USP24: variants seen among roughly 807,000 people sequenced by gnomAD.
USP24 encodes the protein ubiquitin carboxyl-terminal hydrolase 24.
Under a neutral mutation model 361.6 loss-of-function variants are expected in USP24, and 97 were observed. That is an observed-to-expected ratio of 0.27 (90% confidence interval 0.23 to 0.32). USP24 has a LOEUF of 0.32. USP24 is among the 10% of genes least tolerant of loss of function. The pLI is 1.00. For synonymous variants in USP24, 1,098 were observed against 1,124.6 expected (o/e 0.98, Z 0.47); for missense variants, 2,353 against 3,165.6 (o/e 0.74, Z 6.16).
At chr1:55,099,695 C>A in intron 45 of USP24, 76 bp downstream of exon 45, 1 of 1,052,908 alleles carries the variant, frequency 9.5e-7, no homozygotes, top group South Asian at 1.5e-5. Context: ...TCATAGTAAC[C>A]CCAAATGCTA....
Position 55,137,564 on chromosome 1 carries a change from G to A in USP24, c.3152C>T (p.Ser1051Phe). The A allele has an allele frequency of 6.2e-7, 1 of 1,613,380 alleles. No individual in the cohort carries two copies. The highest frequency in any genetic ancestry group is 8.5e-7 in the Non-Finnish European group (1 of 1,179,646). Residue 1051 changes from serine (S) to phenylalanine (F), a missense_variant, in exon 28 of 68, where the codon TCC becomes TTC. Coordinates refer to ENST00000294383, the MANE Select transcript of USP24 (RefSeq NM_015306.3). ...SGSSADSSTSSSSSSSGVFSS... is the reference protein window; with the variant it reads ...SGSSADSSTSFSSSSSGVFSS... ...AAAAACCCCACTGCTGCTGCTGCTG[G>A]AGCTGGTTGAAGAATCTGCTGAACT...
chr1:55,149,193 A>C (rs1288503488), intron 16 of USP24, among the ~76,000 whole-genome samples: 1 of 152,238 alleles, frequency 6.6e-6, no homozygotes, highest in Non-Finnish European at 1.5e-5. Flanking sequence ...GGTATATGAC[A>C]ATCCAGATCG....
intron 31 of USP24, among the ~76,000 whole-genome samples, chr1:55,130,105 A>C (rs985355427): frequency 6.6e-6 from 1 of 152,226 alleles, no homozygotes; most frequent in African/African-American, 2.4e-5. Context: ...ATTCAAATCC[A>C]GATGTGTCTC....
chr1:55,117,303 G>T (rs1176113362), intron 38 of USP24, among the ~76,000 whole-genome samples: 1 of 152,162 alleles, frequency 6.6e-6, no homozygotes, highest in Non-Finnish European at 1.5e-5. Context: ...TCTATTCAAC[G>T]TAGTATTGAA....
rs1006076268 is a variant in USP24 at position 55,067,050 on chromosome 1, G to A, written c.*1995C>T. 14 of 152,242 alleles carry A rather than the reference G, an allele frequency of 9.2e-5. No homozygotes were observed. The highest frequency in any genetic ancestry group is 3.1e-4 in the African/African-American group (13 of 41,542). The allele number at this position is 152,242 out of a possible 1,614,324, so 9.4% of individuals were successfully genotyped here. ...ATGATCTGAAGCGTATAATATACAC[G>A]GTGGACGATCCTGATGAAGCTTTAC... On this transcript the variant is annotated 3_prime_UTR_variant, in exon 68 of 68. Transcript: ENST00000294383.
intron 1 of USP24, among the ~76,000 whole-genome samples, chr1:55,194,329 T>G (rs899357371): frequency 1.3e-5 from 2 of 152,216 alleles, no homozygotes; most frequent in Non-Finnish European, 2.9e-5. Flanking sequence ...TCTTAATCTA[T>G]TTGCCTTTGT....
At chr1:55,209,652 T>G (rs927543839) in intron 1 of USP24, among the ~76,000 whole-genome samples, 1 of 152,214 alleles carries the variant, frequency 6.6e-6, no homozygotes, top group Non-Finnish European at 1.5e-5. Flanking sequence ...TAAACACAAA[T>G]GAAAGAAATG....
intron 20 of USP24, 40 bp downstream of exon 20, chr1:55,145,958 T>C (rs1377541686): frequency 7.2e-7 from 1 of 1,394,352 alleles, no homozygotes; most frequent in Non-Finnish European, 1.0e-6. Flanking sequence ...CACTTCTTAC[T>C]TAAAAGTACT....
intron 47 of USP24, 76 bp from the exon 48 acceptor site, chr1:55,097,793 G>A: frequency 1.3e-6 from 2 of 1,503,448 alleles, no homozygotes; most frequent in Admixed American, 5.2e-5. Flanking sequence ...AGTAATTAAT[G>A]CAAAGGCCTT....
chr1:55,133,210 T>A (rs1301153089), intron 30 of USP24, among the ~76,000 whole-genome samples: 1 of 152,232 alleles, frequency 6.6e-6, no homozygotes, highest in Non-Finnish European at 1.5e-5. Context: ...TCTACATCAA[T>A]TTATTCTGAG....
At chr1:55,170,070 T>C (rs986858809) in intron 5 of USP24, among the ~76,000 whole-genome samples, 1 of 151,980 alleles carries the variant, frequency 6.6e-6, no homozygotes, top group African/African-American at 2.4e-5. Context: ...GGAGGTCTGG[T>C]TGGGAAGGGG....
chr1:55,153,124 T>C (rs1307914399), intron 16 of USP24, among the ~76,000 whole-genome samples: 1 of 152,188 alleles, frequency 6.6e-6, no homozygotes, highest in Non-Finnish European at 1.5e-5. Flanking sequence ...GAGAGGACAA[T>C]GCTGCTCCAA....
chr1:55,103,621 CT>C (rs1557562767), intron 42 of USP24, among the ~76,000 whole-genome samples: 1 of 152,166 alleles, frequency 6.6e-6, no homozygotes. Context: ...TGGAATGCTA[CT>C]TTTTACTGAG....
intron 36 of USP24, among the ~76,000 whole-genome samples, chr1:55,122,391 C>T (rs1055429851): frequency 6.6e-6 from 1 of 152,140 alleles, no homozygotes; most frequent in Non-Finnish European, 1.5e-5. Context: ...GAAGCAAAGG[C>T]ACAGGAGTAT....
At chr1:55,147,185 G>A (rs772030303) in intron 18 of USP24, 125 bp from the exon 19 acceptor site, 15 of 957,366 alleles carry the variant, frequency 1.6e-5, no homozygotes, top group Admixed American at 3.7e-5. Context: ...ATAATTTAGG[G>A]TAAAGTAAAT....
At chr1:55,169,535 C>T (rs994401841) in intron 5 of USP24, among the ~76,000 whole-genome samples, 6 of 151,970 alleles carry the variant, frequency 3.9e-5, no homozygotes, top group African/African-American at 1.4e-4. Flanking sequence ...ATCAAATTTA[C>T]AAACATTAAA....
intron 32 of USP24, 65 bp downstream of exon 32, chr1:55,129,412 G>T: frequency 7.3e-7 from 1 of 1,369,800 alleles, no homozygotes; most frequent in Non-Finnish European, 1.0e-6. Flanking sequence ...CTTTGCAGGG[G>T]AAATTAACTA....
chr1:55,141,008 T>C (rs1371401462), intron 24 of USP24, among the ~76,000 whole-genome samples: 1 of 152,164 alleles, frequency 6.6e-6, no homozygotes, highest in African/African-American at 2.4e-5. Context: ...ATTGAGACAA[T>C]GTCAGTTTAA....
At chr1:55,135,405 C>T (rs1399565236) in intron 28 of USP24, among the ~76,000 whole-genome samples, 1 of 152,128 alleles carries the variant, frequency 6.6e-6, no homozygotes, top group African/African-American at 2.4e-5. Context: ...AACATGACAC[C>T]ACAAGTGGAA....
Sources: gnomAD v4.1 joint callset for allele counts (sites outside exome capture counted in the v4.1 genomes callset) on GRCh38, gnomAD v4.1.1 for gene constraint, MANE v1.5 for transcripts, NCBI Gene and HGNC (gene_info 2026-07-23, HGNC 2026-07-21) for gene names.